SMARCAD1: variants seen among roughly 807,000 people sequenced by gnomAD.
The protein encoded by SMARCAD1 is SWI/SNF-related matrix-associated actin-dependent regulator of chromatin subfamily A containing DEAD/H box 1.
Under a neutral mutation model 127.1 loss-of-function variants are expected in SMARCAD1, and 25 were observed. The ratio of observed to expected loss-of-function variants is 0.20; its 90% confidence interval spans 0.14 to 0.27. The LOEUF (loss-of-function observed/expected upper bound fraction) is 0.27, where lower values mean the gene tolerates loss of function less well. SMARCAD1 is among the 10% of genes least tolerant of loss of function. The pLI, the probability that SMARCAD1 is intolerant of heterozygous loss-of-function variation, is 1.00. For synonymous variants in SMARCAD1, 400 were observed against 396.9 expected, an observed-to-expected ratio of 1.01 and a Z score of -0.09; for missense variants, 807 against 1,206.0, an observed-to-expected ratio of 0.67 and a Z score of 4.90.
At chr4:94,268,440 T>G (rs1451305522) in intron 10 of SMARCAD1, among the ~76,000 whole-genome samples, 1 of 152,148 alleles carries the variant, frequency 6.6e-6, no homozygotes, top group Non-Finnish European at 1.5e-5. Context: ...TTGGCTGCAT[T>G]TATAAGTGAT....
chr4:94,255,979 A>G (rs981403207), intron 9 of SMARCAD1, among the ~76,000 whole-genome samples: 1 of 152,114 alleles, frequency 6.6e-6, no homozygotes, highest in Non-Finnish European at 1.5e-5. Flanking sequence ...AAAAACTTGT[A>G]CTGTTATTGT....
rs1210329212 is a variant in SMARCAD1 at position 94,275,054 on chromosome 4, T to G, written c.1808+89T>G. The G allele has an allele frequency of 1.0e-4, 97 of 927,728 alleles. 1 individual carries two copies. The allele number at this position is 927,728 out of a possible 1,614,324, so 57.5% of individuals were successfully genotyped here. On this transcript the variant is annotated intron_variant, in intron 14 of 23. Coordinates refer to ENST00000354268, the MANE Select transcript of SMARCAD1 (RefSeq NM_020159.5). ...TGTAGTAGTACTATGTAGGAAAGTT[T>G]ATGCTGTTAACTGTGATACGAAAGT...
chr4:94,208,012 T>G lies in SMARCAD1; in HGVS notation c.-108T>G, dbSNP rs965195229. The stretch of plus-strand genomic sequence containing the variant: ...CGGTAGCACAGGGAGCTTCTCTTTG[T>G]GGGCGGGCGCGAGGCCCGCTAGGGG... On this transcript the variant is annotated 5_prime_UTR_variant, in exon 1 of 24. Coordinates refer to ENST00000354268, the MANE Select transcript of SMARCAD1 (RefSeq NM_020159.5). 5.0e-6 allele frequency: 2 copies of G among 403,428 alleles called. No individual in the cohort carries two copies. The highest frequency in any genetic ancestry group is 2.9e-5 in the Admixed American group (1 of 34,796). The allele number at this position is 403,428 out of a possible 1,614,324, so 25.0% of individuals were successfully genotyped here. A position where few individuals can be genotyped will look rare whatever the true frequency, so the allele number is the denominator to read the frequency against.
At chr4:94,288,666 G>A (rs1271131841) in intron 23 of SMARCAD1, among the ~76,000 whole-genome samples, 1 of 152,010 alleles carries the variant, frequency 6.6e-6, no homozygotes, top group East Asian at 1.9e-4. Context: ...AGGGGAGGAG[G>A]AGAGAAGTGG....
chr4:94,220,648 G>C (rs577483396), intron 2 of SMARCAD1, among the ~76,000 whole-genome samples: 42 of 152,268 alleles, frequency 2.8e-4, no homozygotes, highest in African/African-American at 7.9e-4. Flanking sequence ...ATAATATTAA[G>C]ACACTACTTG....
intron 10 of SMARCAD1, among the ~76,000 whole-genome samples, chr4:94,266,838 C>G (rs183516958): frequency 3.3e-5 from 5 of 152,136 alleles, no homozygotes; most frequent in Admixed American, 3.3e-4. Flanking sequence ...TTTAGAAATA[C>G]AAATATTCCG....
In SMARCAD1 at chr4:94,290,891, C is replaced by A. The variant is rs1192494674; in HGVS notation, c.*1357C>A. On this transcript the variant is annotated 3_prime_UTR_variant, in exon 24 of 24. Transcript: ENST00000354268. ...TTGCTAAGATGCTAGGTAGTACGAC[C>A]CTCTGGATTTGGAAGGCAAATAAAA... The A allele has an allele frequency of 4.4e-6, 2 of 453,590 alleles. No homozygotes were observed. Among genetic ancestry groups the A allele is most frequent in the Admixed American group, 2.4e-5 (1 of 42,474 alleles). The allele number at this position is 453,590 out of a possible 1,614,324, so 28.1% of individuals were successfully genotyped here. A position where few individuals can be genotyped will look rare whatever the true frequency, so the allele number is the denominator to read the frequency against.
intron 6 of SMARCAD1, among the ~76,000 whole-genome samples, chr4:94,247,514 A>G (rs1748624723): frequency 6.6e-6 from 1 of 152,172 alleles, no homozygotes; most frequent in African/African-American, 2.4e-5. Flanking sequence ...TATTTTATGT[A>G]TTTTTTTATT....
At position 94,289,800 on chromosome 4, in the gene SMARCAD1, G is replaced by A. The variant is rs939159274; in HGVS notation, c.*266G>A. ...AAAGCAGTTTTCTGAATGGGGATTA[G>A]TTGGTGATTGTTTGTAACAAATATG... On this transcript the variant is annotated 3_prime_UTR_variant, in exon 24 of 24. Transcript: ENST00000354268. 7 of 557,016 alleles carry A rather than the reference G, an allele frequency of 1.3e-5. No homozygotes were observed. The highest frequency in any genetic ancestry group is 1.0e-3 in the Middle Eastern group (2 of 1,962). 34.5% of individuals were successfully genotyped at this position (557,016 alleles called of 1,614,324 possible). A position where few individuals can be genotyped will look rare whatever the true frequency, so the allele number is the denominator to read the frequency against.
In SMARCAD1 at chr4:94,290,546, A is replaced by G. The variant is rs1484944264; in HGVS notation, c.*1012A>G. 1 of 454,334 alleles carries G rather than the reference A, an allele frequency of 2.2e-6. No homozygotes were observed. Among genetic ancestry groups the G allele is most frequent in the Non-Finnish European group, 4.4e-6 (1 of 226,748 alleles). The allele number at this position is 454,334 out of a possible 1,614,324, so 28.1% of individuals were successfully genotyped here. A position where few individuals can be genotyped will look rare whatever the true frequency, so the allele number is the denominator to read the frequency against. On this transcript the variant is annotated 3_prime_UTR_variant, in exon 24 of 24. Coordinates refer to ENST00000354268, the MANE Select transcript of SMARCAD1 (RefSeq NM_020159.5). The stretch of plus-strand genomic sequence containing the variant: ...TCATTAACTTGAAACTCTTATCAAA[A>G]TATATTTTACCAGTTTCCAGAATTT...
intron 6 of SMARCAD1, among the ~76,000 whole-genome samples, chr4:94,243,772 G>C (rs894666111): frequency 3.3e-5 from 5 of 152,084 alleles, no homozygotes; most frequent in Non-Finnish European, 7.4e-5. Flanking sequence ...TTTTTACCAT[G>C]TATATTATCC....
At chr4:94,233,482 T>G (rs1201775379) in intron 3 of SMARCAD1, among the ~76,000 whole-genome samples, 1 of 152,182 alleles carries the variant, frequency 6.6e-6, no homozygotes, top group South Asian at 2.1e-4. Context: ...TGGCAGAGAT[T>G]CCTATATTCA....
At chr4:94,228,303 G>A (rs1053739895) in intron 3 of SMARCAD1, among the ~76,000 whole-genome samples, 3 of 152,016 alleles carry the variant, frequency 2.0e-5, no homozygotes, top group Admixed American at 6.5e-5. Flanking sequence ...AATTACCCTT[G>A]TTAGCATTTT....
chr4:94,270,423 T>G (rs981798182), intron 10 of SMARCAD1: 1 of 290,926 alleles, frequency 3.4e-6, no homozygotes, highest in African/African-American at 2.2e-5. Flanking sequence ...TAGCTTAGTA[T>G]TAATATTATC....
chr4:94,278,276 T>C (rs1753575571), intron 16 of SMARCAD1, 146 bp from the exon 17 acceptor site: 2 of 708,202 alleles, frequency 2.8e-6, no homozygotes, highest in Admixed American at 2.5e-5. Flanking sequence ...AGAATTCAGA[T>C]GTGAAGTGCC....
chr4:94,214,291 T>C (rs1447473286), intron 2 of SMARCAD1, among the ~76,000 whole-genome samples: 1 of 149,760 alleles, frequency 6.7e-6, no homozygotes, highest in South Asian at 2.1e-4. Context: ...TTGAGACAGT[T>C]TCACTCTGTC....
In SMARCAD1 at chr4:94,268,872, G is replaced by A. The variant is rs146426164; in HGVS notation, c.1482-1856G>A. Among the ~76,000 whole-genome samples the A allele has an allele frequency of 9.5e-3, 1,451 of 152,146 alleles. 18 individuals carry two copies. Among genetic ancestry groups the A allele is most frequent in the African/African-American group, 0.033 (1,385 of 41,492 alleles). On this transcript the variant is annotated intron_variant, in intron 10 of 23. Coordinates refer to ENST00000354268, the MANE Select transcript of SMARCAD1 (RefSeq NM_020159.5). ...TCCAGTTTTAGCATTTACTCTCACC[G>A]TTATAGTAGAAATAATTGTTTTGGA...
chr4:94,234,662 AC>A (rs967533741), intron 4 of SMARCAD1, among the ~76,000 whole-genome samples: 5 of 152,228 alleles, frequency 3.3e-5, no homozygotes, highest in African/African-American at 1.2e-4. Context: ...ATAAAAATTG[AC>A]CAATTTAGTT....
At chr4:94,279,425 T>C (rs1447520693) in intron 19 of SMARCAD1, among the ~76,000 whole-genome samples, 1 of 152,130 alleles carries the variant, frequency 6.6e-6, no homozygotes, top group African/African-American at 2.4e-5. Context: ...CAGGCATCAG[T>C]CACTGCACTG....
Sources: allele counts gnomAD v4.1 joint callset (sites outside exome capture counted in the v4.1 genomes callset), GRCh38; gene constraint gnomAD v4.1.1; transcripts MANE v1.5; gene names NCBI Gene and HGNC (gene_info 2026-07-23, HGNC 2026-07-21).